RABGAP1L: variants seen among roughly 807,000 people sequenced by gnomAD.
RABGAP1L encodes RAB GTPase activating protein 1 like, also known as rab GTPase-activating protein 1-like.
RABGAP1L carries 63 observed loss-of-function variants against 137.7 expected under a neutral mutation model. The ratio of observed to expected loss-of-function variants is 0.46; its 90% CI spans 0.37 to 0.56. The LOEUF (loss-of-function observed/expected upper bound fraction) is 0.56. Ranked by LOEUF, RABGAP1L falls within the 20% of genes least tolerant of loss-of-function variation. The pLI, the probability that RABGAP1L is intolerant of heterozygous loss-of-function variation, is 0.00. For synonymous variants in RABGAP1L, 431 were observed against 433.7 expected, an observed-to-expected ratio of 0.99 and a Z score of 0.08; for missense variants, 1,095 against 1,244.0, an observed-to-expected ratio of 0.88 and a Z score of 1.80.
intron 13 of RABGAP1L, among the ~76,000 whole-genome samples, chr1:174,421,973 T>C (rs1000755299): frequency 6.6e-6 from 1 of 152,128 alleles, no homozygotes; most frequent in Admixed American, 6.5e-5. Flanking sequence ...TTCGCTATAT[T>C]GGCCAGGCTG....
At chr1:174,452,022 G>C (rs896157817) in intron 13 of RABGAP1L, among the ~76,000 whole-genome samples, 1 of 152,106 alleles carries the variant, frequency 6.6e-6, no homozygotes, top group African/African-American at 2.4e-5. Context: ...ATTTACTATA[G>C]TATTTTATAT....
chr1:174,620,753 A>G (rs981608021), intron 13 of RABGAP1L, among the ~76,000 whole-genome samples: 3 of 152,192 alleles, frequency 2.0e-5, no homozygotes, highest in African/African-American at 7.2e-5. Flanking sequence ...ACACATTCAA[A>G]AGCTAGCGGA....
At chr1:174,792,446 C>T (rs139052194) in intron 18 of RABGAP1L, among the ~76,000 whole-genome samples, 6 of 152,122 alleles carry the variant, frequency 3.9e-5, no homozygotes, top group East Asian at 3.9e-4. Flanking sequence ...TTTTAATTAA[C>T]GTCACGTGGA....
At chr1:174,288,623 A>G (rs189365085) in intron 10 of RABGAP1L, among the ~76,000 whole-genome samples, 6 of 152,088 alleles carry the variant, frequency 3.9e-5, no homozygotes, top group Non-Finnish European at 8.8e-5. Context: ...TTCTCCTGCC[A>G]TTTTCATAAT....
chr1:174,286,807 C>T (rs1676093044), intron 10 of RABGAP1L, among the ~76,000 whole-genome samples: 1 of 152,034 alleles, frequency 6.6e-6, no homozygotes, highest in African/African-American at 2.4e-5. Flanking sequence ...ATTGATTGCT[C>T]AGGAATGTGT....
chr1:174,253,365 A>G (rs1672871016), intron 7 of RABGAP1L, among the ~76,000 whole-genome samples: 1 of 152,228 alleles, frequency 6.6e-6, no homozygotes, highest in African/African-American at 2.4e-5. Context: ...TGTAAAATGT[A>G]CGTATGTCCT....
In RABGAP1L at chr1:174,946,934, A is replaced by G. The variant is rs1202072896; in HGVS notation, c.2341-10523A>G. Among the ~76,000 whole-genome samples, 209 of 69,794 alleles carry G rather than the reference A, an allele frequency of 3.0e-3. 2 individuals are homozygous for G. The highest frequency in any genetic ancestry group is 0.013 in the African/African-American group (204 of 15,596). 45.8% of individuals were successfully genotyped at this position (69,794 alleles called of 152,430 possible). A position where few individuals can be genotyped will look rare whatever the true frequency, so the allele number is the denominator to read the frequency against. ...AAAAAAAAAATATATATATATATAT[A>G]TATATATGTGTGTGTGTGTGTGTGT... On this transcript the variant is annotated intron_variant, in intron 19 of 25. Coordinates refer to ENST00000681986, the MANE Select transcript of RABGAP1L (RefSeq NM_001366446.1).
intron 1 of RABGAP1L, among the ~76,000 whole-genome samples, chr1:174,179,622 G>A (rs1666193284): frequency 6.6e-6 from 1 of 151,920 alleles, no homozygotes; most frequent in Non-Finnish European, 1.5e-5. Flanking sequence ...GTGACTACCA[G>A]TATACTTTGG....
intron 14 of RABGAP1L, among the ~76,000 whole-genome samples, chr1:174,669,875 A>C (rs1677052550): frequency 2.0e-5 from 3 of 152,152 alleles, no homozygotes; most frequent in African/African-American, 7.2e-5. Context: ...TGTTTGGGTT[A>C]CTATAGCTTT....
rs1665642741 is a variant in RABGAP1L at position 174,174,194 on chromosome 1, ATACACACACAC to A, written c.-34+14538_-34+14548del. Among the ~76,000 whole-genome samples, 3 of 98,586 alleles carry A rather than the reference ATACACACACAC, an allele frequency of 3.0e-5. No individual in the cohort carries two copies. The Admixed American group carries it at 3.1e-4, about 10-fold the overall frequency. The allele number at this position is 98,586 out of a possible 152,430, so 64.7% of individuals were successfully genotyped here. A position where few individuals can be genotyped will look rare whatever the true frequency, so the allele number is the denominator to read the frequency against. The stretch of plus-strand genomic sequence containing the variant: ...TAGCAATGAAGAAATTGGAAAAAAA[ATACACACACAC>A]ACACACACACACACACACACACACA... On this transcript the variant is annotated intron_variant, in intron 1 of 25. Transcript: ENST00000681986.
intron 17 of RABGAP1L, among the ~76,000 whole-genome samples, chr1:174,751,161 A>G (rs1359674709): frequency 6.6e-6 from 1 of 152,184 alleles, no homozygotes; most frequent in Non-Finnish European, 1.5e-5. Flanking sequence ...CCAAACCAAA[A>G]ATATTTGGTT....
intron 5 of RABGAP1L, among the ~76,000 whole-genome samples, chr1:174,242,365 G>C (rs1671897839): frequency 6.6e-6 from 1 of 152,188 alleles, no homozygotes; most frequent in Admixed American, 6.5e-5. Context: ...ATGTTGCACT[G>C]TTAGACACTT....
chr1:174,798,299 C>T (rs940554106), intron 18 of RABGAP1L, among the ~76,000 whole-genome samples: 82 of 149,984 alleles, frequency 5.5e-4, no homozygotes, highest in African/African-American at 1.9e-3. Flanking sequence ...CCCAGCTACT[C>T]GGGAGGCTGA....
At chr1:174,865,169 A>G (rs996793401) in intron 19 of RABGAP1L, among the ~76,000 whole-genome samples, 1 of 152,098 alleles carries the variant, frequency 6.6e-6, no homozygotes. Context: ...ACTTGCACAA[A>G]TATATTAGCA....
chr1:174,409,804 T>C (rs779464968), intron 13 of RABGAP1L, among the ~76,000 whole-genome samples: 1 of 152,170 alleles, frequency 6.6e-6, no homozygotes, highest in Non-Finnish European at 1.5e-5. Context: ...CTTACTAGGA[T>C]TGGGAAACCC....
At chr1:174,181,765 G>T (rs1666389799) in intron 1 of RABGAP1L, among the ~76,000 whole-genome samples, 1 of 152,102 alleles carries the variant, frequency 6.6e-6, no homozygotes, top group Non-Finnish European at 1.5e-5. Flanking sequence ...ATGTGTGTAA[G>T]GTCACTATTC....
intron 19 of RABGAP1L, among the ~76,000 whole-genome samples, chr1:174,844,226 T>A (rs200254968): frequency 0.091 from 9,755 of 107,472 alleles, 511 homozygotes; most frequent in Middle Eastern, 0.18. Flanking sequence ...CTCTTTAGTT[T>A]AATTAGATCC....
At chr1:174,576,722 G>T (rs1668400427) in intron 13 of RABGAP1L, among the ~76,000 whole-genome samples, 1 of 152,176 alleles carries the variant, frequency 6.6e-6, no homozygotes, top group Non-Finnish European at 1.5e-5. Flanking sequence ...CTGAAACTGA[G>T]CTAGATCTCT....
At chr1:174,639,655 T>C (rs1674362144) in intron 14 of RABGAP1L, among the ~76,000 whole-genome samples, 1 of 152,150 alleles carries the variant, frequency 6.6e-6, no homozygotes. Context: ...CAGATGGTTC[T>C]AATGTGCTTG....
Sources: allele counts gnomAD v4.1 joint callset (sites outside exome capture counted in the v4.1 genomes callset), GRCh38; gene constraint gnomAD v4.1.1; transcripts MANE v1.5; gene names NCBI Gene and HGNC (gene_info 2026-07-23, HGNC 2026-07-21).